Variants in DDA1 observed in about 807,000 individuals in gnomAD.
The protein encoded by DDA1 is DET1- and DDB1-associated protein 1.
A neutral mutation model predicts 18.6 loss-of-function variants in DDA1; 3 were observed. The ratio of observed to expected loss-of-function variants is 0.16; its 90% CI spans 0.07 to 0.42. The LOEUF (loss-of-function observed/expected upper bound fraction) is 0.42, where lower values mean the gene tolerates loss of function less well. Among genes scored for constraint, DDA1 ranks in the 10% least tolerant of loss-of-function variants. The pLI, the probability that DDA1 is intolerant of heterozygous loss-of-function variation, is 0.99. For missense variants in DDA1, 105 were observed against 138.2 expected, an observed-to-expected ratio of 0.76 and a Z score of 1.20; for synonymous variants, 52 against 54.0, an observed-to-expected ratio of 0.96 and a Z score of 0.17.
chr19:17,319,594 A>G lies in DDA1; in HGVS notation c.247A>G (p.Ser83Gly). The G allele has an allele frequency of 6.3e-7, 1 of 1,580,540 alleles. No homozygotes were observed. The highest frequency in any genetic ancestry group is 8.6e-7 in the Non-Finnish European group (1 of 1,163,362). The change falls in exon 5 of 5, where the codon AGC (serine) becomes GGC (glycine). Residue 83 changes from serine (S) to glycine (G), a missense_variant. Ser to Gly is a moderately conservative substitution (Grantham distance 56). Around this residue, in one of 2 missense-constraint regions of DDA1, gnomAD observed 62 missense variants for 55.8 expected, o/e 1.11. Transcript: ENST00000359866. ...GGAGCAAGTGGAGCTGGAAGGCGAG[A>G]GCTCCGCACCTCCCCGCAAGGTGGC... ...DQEQVELEGE[S>G]SAPPRKVART...
intron 1 of DDA1, 31 bp downstream of exon 1, chr19:17,309,688 C>G (rs753326442): frequency 6.2e-7 from 1 of 1,608,816 alleles, no homozygotes; most frequent in African/African-American, 1.3e-5. Flanking sequence ...CCCACTCCCC[C>G]TCTGCTAGAC....
intron 4 of DDA1, among the ~76,000 whole-genome samples, chr19:17,319,314 T>C (rs2145678470): frequency 6.6e-6 from 1 of 152,350 alleles, no homozygotes; most frequent in South Asian, 2.1e-4. Flanking sequence ...TGCAGGGGCC[T>C]GGGCTGGCAT....
chr19:17,316,226 C>T (rs902356730), intron 4 of DDA1, among the ~76,000 whole-genome samples: 6 of 152,252 alleles, frequency 3.9e-5, no homozygotes, highest in Admixed American at 2.6e-4. Context: ...CCCAAGTAGC[C>T]GCCAGGCCCA....
chr19:17,318,606 A>T (rs2074224960), intron 4 of DDA1, among the ~76,000 whole-genome samples: 1 of 151,742 alleles, frequency 6.6e-6, no homozygotes, highest in Non-Finnish European at 1.5e-5. Context: ...ACTTGAAGTG[A>T]TCCACCCACC....
rs2074247446 is a variant in DDA1 at position 17,323,030 on chromosome 19, C to T, written c.*3374C>T. 1 of 152,298 alleles carries T rather than the reference C, an allele frequency of 6.6e-6. No individual in the cohort carries two copies. Among genetic ancestry groups the T allele is most frequent in the Non-Finnish European group, 1.5e-5 (1 of 68,084 alleles). The allele number at this position is 152,298 out of a possible 1,614,324, so 9.4% of individuals were successfully genotyped here. ...GGCTGAAGCCAGGGCTGAAGTTGGC[C>T]TCCAAATCTGGGCCGTCTCAGAGGC... is the stretch of plus-strand genomic sequence containing the variant. On this transcript the variant is annotated 3_prime_UTR_variant, in exon 5 of 5. Coordinates refer to ENST00000359866, the MANE Select transcript of DDA1 (RefSeq NM_024050.6).
intron 1 of DDA1, among the ~76,000 whole-genome samples, chr19:17,312,178 G>T (rs2074182103): frequency 6.6e-6 from 1 of 152,156 alleles, no homozygotes; most frequent in African/African-American, 2.4e-5. Context: ...GCTAAGCCAG[G>T]ATTGAGAGCA....
At chr19:17,311,953 C>T (rs570980683) in intron 1 of DDA1, among the ~76,000 whole-genome samples, 28 of 152,280 alleles carry the variant, frequency 1.8e-4, no homozygotes, top group African/African-American at 5.8e-4. Context: ...CTTAGCATGA[C>T]AGGAAGGCTG....
chr19:17,316,368 T>G (rs1048109373), intron 4 of DDA1, among the ~76,000 whole-genome samples: 2 of 150,882 alleles, frequency 1.3e-5, no homozygotes, highest in South Asian at 4.2e-4. Context: ...GATCACGAGG[T>G]CAGGAGATCG....
Position 17,321,385 on chromosome 19 carries a change from G to C in DDA1, c.*1729G>C, listed in dbSNP as rs1056509672. 6.6e-6 allele frequency: 1 copy of C among 152,096 alleles called. No individual in the cohort carries two copies. The highest frequency in any genetic ancestry group is 1.5e-5 in the Non-Finnish European group (1 of 68,044). 9.4% of individuals were successfully genotyped at this position (152,096 alleles called of 1,614,324 possible). On this transcript the variant is annotated 3_prime_UTR_variant, in exon 5 of 5. Transcript: ENST00000359866. Reference sequence around the variant, plus strand: ...GACCTCAGGTGCTTCGCCTGCCTCGGCCTCCCAAAGTGCTGTGACCGCACC... The same window carrying C: ...GACCTCAGGTGCTTCGCCTGCCTCGCCCTCCCAAAGTGCTGTGACCGCACC...
chr19:17,319,848 A>G lies in DDA1; in HGVS notation c.*192A>G. 1.8e-6 allele frequency: 1 copy of G among 571,186 alleles called. No homozygotes were observed. Among genetic ancestry groups the G allele is most frequent in the Non-Finnish European group, 3.1e-6 (1 of 321,410 alleles). 35.4% of individuals were successfully genotyped at this position (571,186 alleles called of 1,614,324 possible). A position where few individuals can be genotyped will look rare whatever the true frequency, so the allele number is the denominator to read the frequency against. On this transcript the variant is annotated 3_prime_UTR_variant, in exon 5 of 5. Coordinates refer to ENST00000359866, the MANE Select transcript of DDA1 (RefSeq NM_024050.6). ...AGTTTTTATTTATGCTGTAACCTGT[A>G]TCAAGCGTTGGTTAAAGGGGACATC...
intron 4 of DDA1, 55 bp downstream of exon 4, chr19:17,316,050 C>T: frequency 3.8e-6 from 6 of 1,578,978 alleles, no homozygotes; most frequent in Non-Finnish European, 5.2e-6. Context: ...GACTGGGCAC[C>T]TGGCAGGGGC....
chr19:17,322,402 G>A lies in DDA1; in HGVS notation c.*2746G>A. The stretch of plus-strand genomic sequence containing the variant: ...CCTCTGTCTACCCCTCCTGCCTTTG[G>A]GGTCCCCTTTACCCCACTGTTCCCC... On this transcript the variant is annotated 3_prime_UTR_variant, in exon 5 of 5. Coordinates refer to ENST00000359866, the MANE Select transcript of DDA1 (RefSeq NM_024050.6). 1 of 153,704 alleles carries A rather than the reference G, an allele frequency of 6.5e-6. No homozygotes were observed. The allele number at this position is 153,704 out of a possible 1,614,324, so 9.5% of individuals were successfully genotyped here. A position where few individuals can be genotyped will look rare whatever the true frequency, so the allele number is the denominator to read the frequency against.
Position 17,314,527 on chromosome 19 carries a change from A to C in DDA1, c.136+138A>C. On this transcript the variant is annotated intron_variant, in intron 3 of 4. Coordinates refer to ENST00000359866, the MANE Select transcript of DDA1 (RefSeq NM_024050.6). This position sits in a 1 kb window ranked among gnomAD's most constrained non-coding sequence, Gnocchi z 4.6. ...CTTGGGTTCACACGCTGTCTACTGA[A>C]TCCAGTTAAGTCAGGGAGGGCCTCC... 8.4e-7 allele frequency: 1 copy of C among 1,196,326 alleles called. No homozygotes were observed. Among genetic ancestry groups the C allele is most frequent in the Non-Finnish European group, 1.2e-6 (1 of 837,204 alleles). 74.1% of individuals were successfully genotyped at this position (1,196,326 alleles called of 1,614,324 possible).
intron 3 of DDA1, among the ~76,000 whole-genome samples, chr19:17,315,177 ACACGTG>A (rs1568353653): frequency 0.016 from 707 of 44,428 alleles, 83 homozygotes; most frequent in Non-Finnish European, 0.021. Flanking sequence ...GTATATACAC[ACACGTG>A]TATACACACA....
At position 17,320,794 on chromosome 19, in the gene DDA1, T is replaced by G. The variant is rs538876720; in HGVS notation, c.*1138T>G. On this transcript the variant is annotated 3_prime_UTR_variant, in exon 5 of 5. Coordinates refer to ENST00000359866, the MANE Select transcript of DDA1 (RefSeq NM_024050.6). Reference sequence around the variant, plus strand: ...GGCAGTTGGCATGTGCCATGGCCGCTCATGGGGACCCCTCTTCCGCCAGCT... The same window carrying G: ...GGCAGTTGGCATGTGCCATGGCCGCGCATGGGGACCCCTCTTCCGCCAGCT... 5 of 152,724 alleles carry G rather than the reference T, an allele frequency of 3.3e-5. No homozygotes were observed. Among genetic ancestry groups the G allele is most frequent in the African/African-American group, 9.6e-5 (4 of 41,570 alleles). The allele number at this position is 152,724 out of a possible 1,614,324, so 9.5% of individuals were successfully genotyped here. A position where few individuals can be genotyped will look rare whatever the true frequency, so the allele number is the denominator to read the frequency against.
In DDA1 at chr19:17,314,176, A is replaced by T. The variant is rs1421829679; in HGVS notation, c.84+73A>T. ...GCCTGGGGGCAGCTTGTGTCCCCCG[A>T]TTGGGGTCTTGGCTGGAACAGAGGC... On this transcript the variant is annotated intron_variant, in intron 2 of 4. Transcript: ENST00000359866. This position sits in a 1 kb window ranked among gnomAD's most constrained non-coding sequence, Gnocchi z 4.6. The T allele has an allele frequency of 4.4e-6, 7 of 1,574,990 alleles. No homozygotes were observed. The highest frequency in any genetic ancestry group is 6.1e-6 in the Non-Finnish European group (7 of 1,145,940).
chr19:17,319,670 A>G lies in DDA1; in HGVS notation c.*14A>G, dbSNP rs2074230491. ...GAGGACACTTAAGACTCTCAACTCC[A>G]CAGGCGCCTCCTGCCAGGTCTGCTC... On this transcript the variant is annotated 3_prime_UTR_variant, in exon 5 of 5. Coordinates refer to ENST00000359866, the MANE Select transcript of DDA1 (RefSeq NM_024050.6). 6.4e-7 allele frequency: 1 copy of G among 1,553,484 alleles called. No individual in the cohort carries two copies.
At chr19:17,315,048 G>A (rs971633059) in intron 3 of DDA1, among the ~76,000 whole-genome samples, 2 of 144,492 alleles carry the variant, frequency 1.4e-5, no homozygotes, top group Non-Finnish European at 3.1e-5. Context: ...ACCAGCCTGA[G>A]CAACATAGTT....
In DDA1 at chr19:17,315,346, CACGCTATATATAT is replaced by C. The variant is rs779115517; in HGVS notation, c.137-572_137-560del. Among the ~76,000 whole-genome samples, 77 of 77,796 alleles carry C rather than the reference CACGCTATATATAT, an allele frequency of 9.9e-4. 2 individuals carry two copies. Among genetic ancestry groups the C allele is most frequent in the South Asian group, 1.7e-3 (4 of 2,376 alleles). The allele number at this position is 77,796 out of a possible 152,430, so 51.0% of individuals were successfully genotyped here. A position where few individuals can be genotyped will look rare whatever the true frequency, so the allele number is the denominator to read the frequency against. Reference sequence around the variant, plus strand: ...ATATATATACACACGTATATATATACACGCTATATATATACGCTATATATATACACACGTATAT... The same window carrying C: ...ATATATATACACACGTATATATATACACGCTATATATATACACACGTATAT... On this transcript the variant is annotated intron_variant, in intron 3 of 4. Transcript: ENST00000359866.
Sources: allele counts gnomAD v4.1 joint callset (sites outside exome capture counted in the v4.1 genomes callset), GRCh38; gene constraint gnomAD v4.1.1; regional missense constraint gnomAD v4.1.1; non-coding constraint Gnocchi (gnomAD v3.1); transcripts MANE v1.5; gene names NCBI Gene and HGNC (gene_info 2026-07-23, HGNC 2026-07-21).